CCDC63: variants seen among roughly 807,000 people sequenced by gnomAD.
CCDC63 encodes the protein coiled-coil domain containing 63, also known as coiled-coil domain-containing protein 63.
A neutral mutation model predicts 63.6 loss-of-function variants in CCDC63; 54 were observed. The ratio of observed to expected loss-of-function variants is 0.85; its 90% confidence interval spans 0.68 to 1.07. CCDC63 has a LOEUF of 1.07. Among genes scored for constraint, CCDC63 ranks in the 50% least tolerant of loss-of-function variants. The probability of loss-of-function intolerance (pLI) is 0.00; values close to 1 mark genes in which losing one functional copy is unlikely to be tolerated. For synonymous variants in CCDC63, 253 were observed against 266.1 expected, an observed-to-expected ratio of 0.95 and a Z score of 0.48; for missense variants, 637 against 689.6, an observed-to-expected ratio of 0.92 and a Z score of 0.86.
chr12:110,849,324 A>G (rs907606157), intron 1 of CCDC63, among the ~76,000 whole-genome samples: 11 of 152,310 alleles, frequency 7.2e-5, no homozygotes, highest in African/African-American at 2.4e-4. Context: ...GCAGTAGCCA[A>G]CAGTGTCAGT....
intron 10 of CCDC63, among the ~76,000 whole-genome samples, chr12:110,899,467 C>T (rs2071458056): frequency 6.6e-6 from 1 of 152,100 alleles, no homozygotes; most frequent in Non-Finnish European, 1.5e-5. Flanking sequence ...TACAGCCATG[C>T]ACCACCATAC....
intron 1 of CCDC63, among the ~76,000 whole-genome samples, chr12:110,849,244 C>A (rs1442827517): frequency 6.6e-6 from 1 of 152,178 alleles, no homozygotes; most frequent in Admixed American, 6.5e-5. Flanking sequence ...TTGGTGACTG[C>A]CTTAAACAAC....
At chr12:110,894,829 G>A (rs976625925) in intron 9 of CCDC63, among the ~76,000 whole-genome samples, 1 of 152,288 alleles carries the variant, frequency 6.6e-6, no homozygotes, top group Middle Eastern at 3.4e-3. Context: ...AAGCCCCACC[G>A]CTAGCTTTTT....
At chr12:110,871,471 A>G (rs547549510) in intron 4 of CCDC63, among the ~76,000 whole-genome samples, 1 of 151,812 alleles carries the variant, frequency 6.6e-6, no homozygotes, top group Admixed American at 6.6e-5. Flanking sequence ...TATCACTCCC[A>G]AAAACCATAA....
At chr12:110,864,848 G>A (rs1488244348) in intron 4 of CCDC63, among the ~76,000 whole-genome samples, 3 of 152,202 alleles carry the variant, frequency 2.0e-5, no homozygotes, top group Admixed American at 6.5e-5. Flanking sequence ...ATGACAGGAA[G>A]TGCAAAGGTA....
At position 110,898,923 on chromosome 12, in the gene CCDC63, C is replaced by G; in HGVS notation, c.1150-10C>G. ...CTCCTGAGCAGGTGGGAATTGGGGT[C>G]TGCCACCAGGATAAACTGAGGAAGA... On this transcript the variant is annotated splice_polypyrimidine_tract_variant and intron_variant, in intron 9 of 11. Coordinates refer to ENST00000308208, the MANE Select transcript of CCDC63 (RefSeq NM_152591.3). The G allele has an allele frequency of 3.2e-6, 5 of 1,574,992 alleles. No individual in the cohort carries two copies. Among genetic ancestry groups the G allele is most frequent in the Non-Finnish European group, 4.3e-6 (5 of 1,157,426 alleles).
chr12:110,859,124 G>C (rs912694371), intron 4 of CCDC63, among the ~76,000 whole-genome samples: 1 of 152,092 alleles, frequency 6.6e-6, no homozygotes, highest in African/African-American at 2.4e-5. Flanking sequence ...AAACTTTAAG[G>C]TTTCTTCCTT....
intron 4 of CCDC63, among the ~76,000 whole-genome samples, chr12:110,867,430 T>C (rs1406967620): frequency 1.4e-3 from 107 of 78,428 alleles, no homozygotes; most frequent in East Asian, 6.5e-3. Flanking sequence ...CCGGACGGGG[T>C]GGCTGGCCGG....
chr12:110,855,597 T>C (rs928352050), intron 3 of CCDC63, among the ~76,000 whole-genome samples: 28 of 152,160 alleles, frequency 1.8e-4, no homozygotes, highest in Admixed American at 1.2e-3. Flanking sequence ...TATTTATTTT[T>C]TGAGATGGAG....
chr12:110,858,741 C>A lies in CCDC63; in HGVS notation c.335C>A (p.Ser112Tyr), dbSNP rs767675229. 6.2e-7 allele frequency: 1 copy of A among 1,613,982 alleles called. No homozygotes were observed. Among genetic ancestry groups the A allele is most frequent in the Non-Finnish European group, 8.5e-7 (1 of 1,179,952 alleles). The change falls in exon 4 of 12, where the codon TCC (serine) becomes TAC (tyrosine). Residue 112 changes from serine (S) to tyrosine (Y), a missense_variant. Ser to Tyr is a moderately radical substitution (Grantham distance 144). Coordinates refer to ENST00000308208, the MANE Select transcript of CCDC63 (RefSeq NM_152591.3). Reference sequence around the variant, plus strand: ...GAGGACTATGAGGCATTGATTAAATCCCTGAAAGTGCTGTTGGCTGAACTG... The same window carrying A: ...GAGGACTATGAGGCATTGATTAAATACCTGAAAGTGCTGTTGGCTGAACTG... ...TKEDYEALIKSLKVLLAELDE... is the reference protein window; with the variant it reads ...TKEDYEALIKYLKVLLAELDE...
chr12:110,874,207 C>T (rs1234777290), intron 5 of CCDC63, among the ~76,000 whole-genome samples: 1 of 151,892 alleles, frequency 6.6e-6, no homozygotes, highest in Non-Finnish European at 1.5e-5. Context: ...TCTTAGTTCT[C>T]TGCCTCCAAA....
chr12:110,876,099 C>A (rs1255607236), intron 5 of CCDC63, among the ~76,000 whole-genome samples: 2 of 134,210 alleles, frequency 1.5e-5, no homozygotes, highest in East Asian at 2.1e-4. Context: ...GAGTGAGAAC[C>A]TGTCTCAAAA....
chr12:110,849,746 G>T (rs750040046), intron 1 of CCDC63, among the ~76,000 whole-genome samples: 11 of 152,120 alleles, frequency 7.2e-5, no homozygotes, highest in Non-Finnish European at 1.3e-4. Context: ...TGATCTGCCT[G>T]CCTTGGCCTC....
At chr12:110,883,867 T>C (rs1295054879) in intron 7 of CCDC63, among the ~76,000 whole-genome samples, 163 bp from the exon 8 acceptor site, 1 of 152,140 alleles carries the variant, frequency 6.6e-6, no homozygotes, top group East Asian at 1.9e-4. Context: ...CTCGAACTCC[T>C]GACCTCAGGT....
At chr12:110,858,110 T>TATAATATAAAATAAAATAAAATAAA (rs2070798776) in intron 3 of CCDC63, among the ~76,000 whole-genome samples, 1 of 137,792 alleles carries the variant, frequency 7.3e-6, no homozygotes, top group African/African-American at 2.8e-5. Context: ...TGTCTCAAAA[T>TATAATATAAAATAAAATAAAATAAA]ATAAAATAAA....
chr12:110,899,831 T>A (rs2071464972), intron 10 of CCDC63, among the ~76,000 whole-genome samples: 1 of 151,814 alleles, frequency 6.6e-6, no homozygotes, highest in South Asian at 2.1e-4. Flanking sequence ...AAATTCAACA[T>A]CCATTCATGA....
intron 7 of CCDC63, among the ~76,000 whole-genome samples, chr12:110,882,699 T>C (rs2071223429): frequency 6.6e-6 from 1 of 151,026 alleles, no homozygotes. Flanking sequence ...GAAAAGCAGG[T>C]GTTTGGGATA....
At chr12:110,898,819 G>T in intron 9 of CCDC63, 114 bp from the exon 10 acceptor site, 1 of 593,440 alleles carries the variant, frequency 1.7e-6, no homozygotes, top group Admixed American at 3.1e-5. Flanking sequence ...TTGATCTCGT[G>T]TCCCCTCAGA....
chr12:110,867,028 G>A (rs1317944166), intron 4 of CCDC63, among the ~76,000 whole-genome samples: 2 of 133,918 alleles, frequency 1.5e-5, no homozygotes, highest in African/African-American at 5.8e-5. Context: ...CGGACGGGGC[G>A]GCTGGCCGGG....
Sources: gnomAD v4.1 joint callset for allele counts (sites outside exome capture counted in the v4.1 genomes callset) on GRCh38, gnomAD v4.1.1 for gene constraint, MANE v1.5 for transcripts, NCBI Gene and HGNC (gene_info 2026-07-23, HGNC 2026-07-21) for gene names.